The following MTFP1 variants were observed in gnomAD, a reference collection of about 807,000 sequenced individuals.
MTFP1 encodes the protein mitochondrial fission process 1.
MTFP1 carries 19 observed loss-of-function variants against 17.1 expected under a neutral mutation model. That is an observed-to-expected ratio of 1.11 (90% confidence interval 0.77 to 1.63). The LOEUF is 1.63. Among genes scored for constraint, MTFP1 ranks in the 40% most tolerant of loss-of-function variants. MTFP1 has a pLI of 0.00. For missense variants in MTFP1, 221 were observed against 226.2 expected (o/e 0.98, Z 0.15); for synonymous variants, 89 against 95.2 (o/e 0.93, Z 0.38).
In MTFP1 at chr22:30,427,065, G is replaced by A. The variant is rs191724667; in HGVS notation, c.196-106G>A. On this transcript the variant is annotated intron_variant, in intron 2 of 3. Transcript: ENST00000266263. ...CAGACTGTACCCCACTCCTGGGTGC[G>A]GACAAGTCCACTGGCCACTTGCCCC... The A allele has an allele frequency of 8.0e-4, 1,125 of 1,409,518 alleles. 12 individuals carry two copies. The South Asian group carries it at 0.012, about 15-fold the overall frequency. 87.3% of individuals were successfully genotyped at this position (1,409,518 alleles called of 1,614,324 possible).
chr22:30,427,182 T>G lies in MTFP1; in HGVS notation c.207T>G (p.Pro69=). The G allele has an allele frequency of 6.2e-7, 1 of 1,614,140 alleles. No homozygotes were observed. The highest frequency in any genetic ancestry group is 2.2e-5 in the East Asian group (1 of 44,878). ...TCTGCGCCCACCAGGTGCCCAGCCC[T>G]GAAGCAGGCCGCAGCGCCAGGGTGA... is the stretch of plus-strand genomic sequence containing the variant. The part of the protein sequence containing the change: ...KGKKAGEVPS[P]EAGRSARVTV... The change falls in exon 3 of 4, where the codon CCT becomes CCG. Residue 69 remains proline (P), a synonymous_variant. Coordinates refer to ENST00000266263, the MANE Select transcript of MTFP1 (RefSeq NM_016498.5).
chr22:30,426,613 G>C (rs1934672813), intron 1 of MTFP1, 104 bp from the exon 2 acceptor site: 1 of 1,464,012 alleles, frequency 6.8e-7, no homozygotes, highest in East Asian at 2.5e-5. Flanking sequence ...ACTTGCCTAA[G>C]GTCACCCAGG....
rs1395380085 is a variant in MTFP1 at position 30,425,867 on chromosome 22, T to G, written c.-13T>G. On this transcript the variant is annotated 5_prime_UTR_variant, in exon 1 of 4. Coordinates refer to ENST00000266263, the MANE Select transcript of MTFP1 (RefSeq NM_016498.5). Reference sequence around the variant, plus strand: ...GTACCGGCTGTAGTGGCCGGGGCCGTGGCGGGAGAGTCATGTCAGAGCCGC... The same window carrying G: ...GTACCGGCTGTAGTGGCCGGGGCCGGGGCGGGAGAGTCATGTCAGAGCCGC... 3 of 1,532,392 alleles carry G rather than the reference T, an allele frequency of 2.0e-6. No homozygotes were observed. Among genetic ancestry groups the G allele is most frequent in the East Asian group, 5.1e-5 (2 of 39,068 alleles). The allele number at this position is 1,532,392 out of a possible 1,614,324, so 94.9% of individuals were successfully genotyped here.
rs974400460 is a variant in MTFP1 at position 30,427,236 on chromosome 22, G to T, written c.261G>T (p.Trp87Cys). Residue 87 changes from tryptophan to cysteine, a missense_variant, in exon 3 of 4, where the codon TGG becomes TGT. By Grantham distance (215) the Trp-to-Cys change is radical. Transcript: ENST00000266263. Reference protein sequence around the residue: ...VTVAVVDTFVWQALASVAIPG... With the variant: ...VTVAVVDTFVCQALASVAIPG... ...TGGCTGTGGTGGACACCTTTGTATG[G>T]CAGGCTCTAGCCTCTGTGGCCATTC... The T allele has an allele frequency of 3.7e-6, 6 of 1,613,912 alleles. No individual in the cohort carries two copies. In the African/African-American group the frequency reaches 5.3e-5, roughly 14 times the overall value.
chr22:30,427,484 T>G (rs1375108685), intron 3 of MTFP1, 81 bp downstream of exon 3: 4 of 1,444,428 alleles, frequency 2.8e-6, no homozygotes, highest in Non-Finnish European at 3.9e-6. Flanking sequence ...AGAGCTAGAC[T>G]CTGTGAAGTG....
At position 30,427,295 on chromosome 22, in the gene MTFP1, C is replaced by A. The variant is rs762194349; in HGVS notation, c.320C>A (p.Ser107Tyr). Reference sequence around the variant, plus strand: ...ACCATCAACCGCGTGTGTGCTGCCTCTCTCTATGTCCTGGGCACTGCCACC... The same window carrying A: ...ACCATCAACCGCGTGTGTGCTGCCTATCTCTATGTCCTGGGCACTGCCACC... ...GFTINRVCAA[S>Y]LYVLGTATRW... Residue 107 changes from serine to tyrosine, a missense_variant, in exon 3 of 4, where the codon TCT becomes TAT. By Grantham distance (144) the Ser-to-Tyr change is moderately radical. Transcript: ENST00000266263. 1.2e-6 allele frequency: 2 copies of A among 1,613,994 alleles called. No individual in the cohort carries two copies.
Position 30,427,282 on chromosome 22 carries a change from G to T in MTFP1, c.307G>T (p.Val103Leu). 6.2e-7 allele frequency: 1 copy of T among 1,614,036 alleles called. No individual in the cohort carries two copies. The change falls in exon 3 of 4, where the codon GTG (valine) becomes TTG (leucine). Residue 103 changes from valine to leucine, a missense_variant. By Grantham distance (32) the Val-to-Leu change is conservative. Coordinates refer to ENST00000266263, the MANE Select transcript of MTFP1 (RefSeq NM_016498.5). ...VAIPGFTINRVCAASLYVLGT... is the reference protein window; with the variant it reads ...VAIPGFTINRLCAASLYVLGT... ...CATTCCGGGCTTCACCATCAACCGC[G>T]TGTGTGCTGCCTCTCTCTATGTCCT... is the stretch of plus-strand genomic sequence containing the variant.
chr22:30,425,871 G>A lies in MTFP1; in HGVS notation c.-9G>A, dbSNP rs995735003. The A allele has an allele frequency of 2.0e-6, 3 of 1,533,162 alleles. No homozygotes were observed. Among genetic ancestry groups the A allele is most frequent in the African/African-American group, 2.8e-5 (2 of 71,436 alleles). 95.0% of individuals were successfully genotyped at this position (1,533,162 alleles called of 1,614,324 possible). ...CGGCTGTAGTGGCCGGGGCCGTGGC[G>A]GGAGAGTCATGTCAGAGCCGCAGCC... On this transcript the variant is annotated 5_prime_UTR_variant, in exon 1 of 4. Coordinates refer to ENST00000266263, the MANE Select transcript of MTFP1 (RefSeq NM_016498.5).
At position 30,429,025 on chromosome 22, in the gene MTFP1, T is replaced by C. The variant is rs1332115047; in HGVS notation, c.*491T>C. On this transcript the variant is annotated 3_prime_UTR_variant, in exon 4 of 4. Coordinates refer to ENST00000266263, the MANE Select transcript of MTFP1 (RefSeq NM_016498.5). ...CAGGACAGATTCTCTGGCCAGGCCC[T>C]TCCCTGACCCAATAAATCCTGAAGA... 3 of 287,490 alleles carry C rather than the reference T, an allele frequency of 1.0e-5. No individual in the cohort carries two copies. The highest frequency in any genetic ancestry group is 2.0e-5 in the Non-Finnish European group (3 of 148,620). The allele number at this position is 287,490 out of a possible 1,614,324, so 17.8% of individuals were successfully genotyped here.
chr22:30,425,923 G>C lies in MTFP1; in HGVS notation c.44G>C (p.Arg15Pro), dbSNP rs1184542120. 1.3e-6 allele frequency: 2 copies of C among 1,531,826 alleles called. No individual in the cohort carries two copies. The highest frequency in any genetic ancestry group is 4.1e-5 in the Admixed American group (2 of 49,206). The allele number at this position is 1,531,826 out of a possible 1,614,324, so 94.9% of individuals were successfully genotyped here. A position where few individuals can be genotyped will look rare whatever the true frequency, so the allele number is the denominator to read the frequency against. ...CGGGGCGCAGAGCGCGATCTCTACC[G>C]GGACACGTGGGTGCGATACCTGGGT... is the stretch of plus-strand genomic sequence containing the variant. The part of the protein sequence containing the change: ...QPRGAERDLY[R>P]DTWVRYLGYA... The change falls in exon 1 of 4, where the codon CGG becomes CCG. Residue 15 changes from arginine (R) to proline (P), a missense_variant. Arg to Pro is a moderately radical substitution (Grantham distance 103). Coordinates refer to ENST00000266263, the MANE Select transcript of MTFP1 (RefSeq NM_016498.5).
rs551047687 is a variant in MTFP1, at chr22:30,428,771, G to A, written c.*237G>A. On this transcript the variant is annotated 3_prime_UTR_variant, in exon 4 of 4. Coordinates refer to ENST00000266263, the MANE Select transcript of MTFP1 (RefSeq NM_016498.5). ...CTGGAATCCAAGATGCTGAGTGGAA[G>A]TGGACCCTGGGTGGGCCCGGCCCTG... is the stretch of plus-strand genomic sequence containing the variant. The A allele has an allele frequency of 6.1e-5, 75 of 1,224,052 alleles. No homozygotes were observed. Among genetic ancestry groups the A allele is most frequent in the Non-Finnish European group, 8.2e-5 (69 of 843,794 alleles). The allele number at this position is 1,224,052 out of a possible 1,614,324, so 75.8% of individuals were successfully genotyped here.
chr22:30,428,214 G>A (rs546521825), intron 3 of MTFP1, among the ~76,000 whole-genome samples: 3 of 152,306 alleles, frequency 2.0e-5, no homozygotes, highest in Admixed American at 2.0e-4. Context: ...CTGAGGCCCT[G>A]AGCAAGTCTT....
rs112718421 is a variant in MTFP1, at chr22:30,427,357, G to A, written c.382G>A (p.Ala128Thr). Residue 128 changes from alanine (A) to threonine (T), a missense_variant, in exon 3 of 4, where the codon GCG becomes ACG. Physicochemically the swap from Ala to Thr is moderately conservative, Grantham distance 58. Coordinates refer to ENST00000266263, the MANE Select transcript of MTFP1 (RefSeq NM_016498.5). ...GGCTGTCCGCAAGTGGACCACCACC[G>A]CGCTTGGGCTGTTGACCATCCCCAT... ...PLAVRKWTTTALGLLTIPIII... is the reference protein window; with the variant it reads ...PLAVRKWTTTTLGLLTIPIII... 6.9e-5 allele frequency: 111 copies of A among 1,614,146 alleles called. No individual in the cohort carries two copies. The highest frequency in any genetic ancestry group is 1.7e-4 in the African/African-American group (13 of 75,040).
Position 30,426,834 on chromosome 22 carries a change from A to G in MTFP1, c.185A>G (p.Lys62Arg). The G allele has an allele frequency of 6.2e-7, 1 of 1,611,222 alleles. No individual in the cohort carries two copies. Among genetic ancestry groups the G allele is most frequent in the South Asian group, 1.1e-5 (1 of 91,034 alleles). The stretch of plus-strand genomic sequence containing the variant: ...GCGGATGCCATTGACAAAGGCAAGA[A>G]GGCTGGAGAGGTGAGTGTTAGCCTA... ...VLADAIDKGK[K>R]AGEVPSPEAG... Residue 62 changes from lysine to arginine, a missense_variant, in exon 2 of 4, where the codon AAG (lysine) becomes AGG (arginine). Lys to Arg is a conservative substitution (Grantham distance 26). Transcript: ENST00000266263.
intron 1 of MTFP1, among the ~76,000 whole-genome samples, chr22:30,426,191 G>T (rs949239070): frequency 7.9e-5 from 12 of 152,178 alleles, no homozygotes; most frequent in Admixed American, 7.9e-4. Context: ...CGCTCTGGCT[G>T]GCTGTGGAGT....
At position 30,426,591 on chromosome 22, in the gene MTFP1, A is replaced by T. The variant is rs1009907214; in HGVS notation, c.68-126A>T. 6.3e-6 allele frequency: 8 copies of T among 1,275,412 alleles called. No individual in the cohort carries two copies. In the Admixed American group the frequency reaches 1.8e-4, roughly 29 times the overall value. 79.0% of individuals were successfully genotyped at this position (1,275,412 alleles called of 1,614,324 possible). ...TTACATCTCGGAAAGGGAGGCTCAGAGAGGTCAAGTCACTTGCCTAAGGTC... is the reference window on the plus strand; with the variant it reads ...TTACATCTCGGAAAGGGAGGCTCAGTGAGGTCAAGTCACTTGCCTAAGGTC... On this transcript the variant is annotated intron_variant, in intron 1 of 3. Coordinates refer to ENST00000266263, the MANE Select transcript of MTFP1 (RefSeq NM_016498.5).
In MTFP1 at chr22:30,426,022, G is replaced by A. The variant is rs1934661780; in HGVS notation, c.67+76G>A. 24 of 1,302,274 alleles carry A rather than the reference G, an allele frequency of 1.8e-5. No individual in the cohort carries two copies. The South Asian group carries it at 3.6e-4, about 20-fold the overall frequency. The allele number at this position is 1,302,274 out of a possible 1,614,324, so 80.7% of individuals were successfully genotyped here. The stretch of plus-strand genomic sequence containing the variant: ...AGCAGGGGTCGCCGGACGCCCGCCC[G>A]GGGCCTGGAGGAGGCGGGATGATCT... On this transcript the variant is annotated intron_variant, in intron 1 of 3. Coordinates refer to ENST00000266263, the MANE Select transcript of MTFP1 (RefSeq NM_016498.5).
At position 30,428,542 on chromosome 22, in the gene MTFP1, C is replaced by G; in HGVS notation, c.*8C>G. 6.2e-7 allele frequency: 1 copy of G among 1,614,220 alleles called. No homozygotes were observed. Among genetic ancestry groups the G allele is most frequent in the Non-Finnish European group, 8.5e-7 (1 of 1,180,038 alleles). The stretch of plus-strand genomic sequence containing the variant: ...AAGCCCAGCTCCTCCTGATCATACT[C>G]TGGTACCTGGCCTGTGCATCGGCCT... On this transcript the variant is annotated 3_prime_UTR_variant, in exon 4 of 4. Transcript: ENST00000266263.
At position 30,428,777 on chromosome 22, in the gene MTFP1, C is replaced by T. The variant is rs1329796516; in HGVS notation, c.*243C>T. 7.2e-6 allele frequency: 8 copies of T among 1,110,132 alleles called. No homozygotes were observed. The highest frequency in any genetic ancestry group is 8.0e-6 in the Non-Finnish European group (6 of 745,750). The allele number at this position is 1,110,132 out of a possible 1,614,324, so 68.8% of individuals were successfully genotyped here. The stretch of plus-strand genomic sequence containing the variant: ...TCCAAGATGCTGAGTGGAAGTGGAC[C>T]CTGGGTGGGCCCGGCCCTGTCTTTT... On this transcript the variant is annotated 3_prime_UTR_variant, in exon 4 of 4. Coordinates refer to ENST00000266263, the MANE Select transcript of MTFP1 (RefSeq NM_016498.5).
Sources: allele counts gnomAD v4.1 joint callset (sites outside exome capture counted in the v4.1 genomes callset), GRCh38; gene constraint gnomAD v4.1.1; transcripts MANE v1.5; gene names NCBI Gene and HGNC (gene_info 2026-07-23, HGNC 2026-07-21).